AIFM1: variants seen among roughly 807,000 people sequenced by gnomAD.
AIFM1 encodes the protein apoptosis inducing factor mitochondria associated 1.
In AIFM1, 3 loss-of-function variants were observed where a neutral mutation model predicts 51.7. The ratio of observed to expected loss-of-function variants is 0.06; its 90% confidence interval spans 0.03 to 0.15. The LOEUF (loss-of-function observed/expected upper bound fraction) is 0.15. Ranked by LOEUF, AIFM1 falls within the 10% of genes least tolerant of loss-of-function variation. The pLI is 1.00. For missense variants in AIFM1, 330 were observed against 476.8 expected (o/e 0.69, Z 2.87); for synonymous variants, 178 against 179.4 (o/e 0.99, Z 0.06).
chrX:130,145,588 G>A lies in AIFM1; in HGVS notation c.606-19C>T. 9.0e-7 allele frequency: 1 copy of A among 1,110,517 alleles called. No individual in the cohort carries two copies. The highest frequency in any genetic ancestry group is 1.2e-6 in the Non-Finnish European group (1 of 804,003). 91.5% of individuals were successfully genotyped at this position (1,110,517 alleles called of 1,213,427 possible). On this transcript the variant is annotated intron_variant, in intron 5 of 15. Transcript: ENST00000287295. ...ATATATGCTGTATGGAGAAGAGAGG[G>A]AGAATATTATAAGCATGTGGAACTG...
intron 5 of AIFM1, among the ~76,000 whole-genome samples, chrX:130,146,451 ATG>A (rs60694841): frequency 0.45 from 39,955 of 88,993 alleles, 8,367 homozygotes; most frequent in East Asian, 0.61. Context: ...CTCTCAAAAT[ATG>A]TGTGTGTGTG....
Position 130,145,626 on chromosome X carries a change from C to T in AIFM1, c.606-57G>A, listed in dbSNP as rs185001807. 5.9e-5 allele frequency: 55 copies of T among 936,724 alleles called. No homozygotes were observed. In the Admixed American group the frequency reaches 8.9e-4, roughly 15 times the overall value. The allele number at this position is 936,724 out of a possible 1,213,427, so 77.2% of individuals were successfully genotyped here. ...GCATGTGGAACTGTTATCAGCTTCC[C>T]CCGTAGCTTTAATAAAACTGTTTCC... On this transcript the variant is annotated intron_variant, in intron 5 of 15. Transcript: ENST00000287295.
rs2029999691 is a variant in AIFM1, at chrX:130,130,078, G to A, written c.1662C>T (p.Pro554=). 9 of 1,211,756 alleles carry A rather than the reference G, an allele frequency of 7.4e-6. No homozygotes were observed. The highest frequency in any genetic ancestry group is 3.5e-5 in the African/African-American group (2 of 57,826). The change falls in exon 15 of 16, where the codon CCC becomes CCT. Residue 554 remains proline (P), a synonymous_variant. Coordinates refer to ENST00000287295, the MANE Select transcript of AIFM1 (RefSeq NM_004208.4). ...PPSTPAVPQA[P]VQGEDYGKGV... The stretch of plus-strand genomic sequence containing the variant: ...CTTTGCCGTAGTCCTCCCCCTGGAC[G>A]GGAGCCTGTGGAACTGCCGGGGTGC...
intron 7 of AIFM1, 59 bp downstream of exon 7, chrX:130,140,474 G>A: frequency 1.0e-6 from 1 of 989,060 alleles, no homozygotes; most frequent in Non-Finnish European, 1.4e-6. Flanking sequence ...AGAGAAGGCT[G>A]GACTCTAAAA....
chrX:130,146,451 A>ATGTGTGTGTGTG (rs60694841), intron 5 of AIFM1, among the ~76,000 whole-genome samples: 66 of 89,441 alleles, frequency 7.4e-4, no homozygotes, highest in African/African-American at 2.3e-3. Flanking sequence ...CTCTCAAAAT[A>ATGTGTGTGTGTG]TGTGTGTGTG....
chrX:130,149,943 C>T (rs889541552), intron 2 of AIFM1, among the ~76,000 whole-genome samples: 10 of 112,069 alleles, frequency 8.9e-5, no homozygotes, highest in South Asian at 3.7e-4. Context: ...GTTTGGACTA[C>T]GCTGGACACT....
intron 2 of AIFM1, among the ~76,000 whole-genome samples, chrX:130,152,093 G>A (rs1460797958): frequency 9.7e-6 from 1 of 103,098 alleles, no homozygotes; most frequent in Non-Finnish European, 2.0e-5. Flanking sequence ...CCAAAAAAGG[G>A]AAGAGAAGAG....
chrX:130,131,287 G>A (rs749958476), intron 14 of AIFM1, among the ~76,000 whole-genome samples: 36 of 112,022 alleles, frequency 3.2e-4, no homozygotes, highest in African/African-American at 1.2e-3. Context: ...GTGTTCTTGA[G>A]ATTCGCCTGA....
rs893801678 is a variant in AIFM1 at position 130,137,062 on chromosome X, G to C, written c.1075+16C>G. 2.0e-5 allele frequency: 24 copies of C among 1,209,353 alleles called. No homozygotes were observed. The highest frequency in any genetic ancestry group is 2.7e-5 in the Non-Finnish European group (24 of 894,962). ...AAAGGAAATAGAGTGGCAGCATATA[G>C]AAACAGTCTCTCTACCTCGTCTGAC... On this transcript the variant is annotated intron_variant, in intron 10 of 15. Transcript: ENST00000287295.
chrX:130,140,895 T>C (rs192723617), intron 6 of AIFM1, among the ~76,000 whole-genome samples: 70 of 112,160 alleles, frequency 6.2e-4, no homozygotes, highest in African/African-American at 2.2e-3. Context: ...GGCAGGCAGA[T>C]CACTGAGGCC....
chrX:130,134,078 A>C (rs2030223447), intron 12 of AIFM1, among the ~76,000 whole-genome samples: 1 of 110,440 alleles, frequency 9.1e-6, no homozygotes, highest in Non-Finnish European at 1.9e-5. Context: ...TCTACTAAAA[A>C]TACAAAAAAT....
intron 8 of AIFM1, 118 bp from the exon 9 acceptor site, chrX:130,138,819 A>C: frequency 1.9e-6 from 1 of 521,983 alleles, no homozygotes; most frequent in Non-Finnish European, 3.4e-6. Flanking sequence ...GTATAAAGTG[A>C]CTCAATTATA....
intron 13 of AIFM1, among the ~76,000 whole-genome samples, 175 bp downstream of exon 13, chrX:130,133,138 A>G (rs754922379): frequency 7.6e-4 from 85 of 112,033 alleles, no homozygotes; most frequent in African/African-American, 2.6e-3. Context: ...AAAACTAAAC[A>G]GGACACTTCT....
chrX:130,150,545 C>T (rs374934426), intron 2 of AIFM1, among the ~76,000 whole-genome samples: 19 of 104,212 alleles, frequency 1.8e-4, no homozygotes, highest in Non-Finnish European at 2.8e-4. Context: ...CCGTTTTAGC[C>T]GGGATGGTCT....
chrX:130,144,704 T>C (rs2030691895), intron 6 of AIFM1, among the ~76,000 whole-genome samples: 1 of 111,935 alleles, frequency 8.9e-6, no homozygotes, highest in South Asian at 3.8e-4. Context: ...TCTCTCTTAC[T>C]ACACACCTAT....
intron 6 of AIFM1, among the ~76,000 whole-genome samples, chrX:130,141,671 G>A (rs1284627042): frequency 9.0e-6 from 1 of 111,264 alleles, no homozygotes; most frequent in Non-Finnish European, 1.9e-5. Flanking sequence ...GGACATCAGA[G>A]GAGTCCTATA....
intron 15 of AIFM1, 30 bp downstream of exon 15, chrX:130,129,940 C>A: frequency 8.3e-7 from 1 of 1,206,713 alleles, no homozygotes; most frequent in Admixed American, 2.2e-5. Flanking sequence ...TACTTCCCAT[C>A]TTCCTCTAAG....
At chrX:130,164,534 A>T (rs974345981) in intron 1 of AIFM1, among the ~76,000 whole-genome samples, 1 of 112,357 alleles carries the variant, frequency 8.9e-6, no homozygotes, top group East Asian at 2.8e-4. Flanking sequence ...GTGGACATTG[A>T]AGGATTACTG....
chrX:130,138,225 G>C (rs1258413676), intron 9 of AIFM1, among the ~76,000 whole-genome samples: 1 of 111,574 alleles, frequency 9.0e-6, no homozygotes, highest in Non-Finnish European at 1.9e-5. Flanking sequence ...CAGCACTTTG[G>C]GAGGCCAAGG....
Sources: gnomAD v4.1 joint callset for allele counts (sites outside exome capture counted in the v4.1 genomes callset) on GRCh38, gnomAD v4.1.1 for gene constraint, MANE v1.5 for transcripts, NCBI Gene and HGNC (gene_info 2026-07-23, HGNC 2026-07-21) for gene names.